BMPR2: variants seen among roughly 807,000 people sequenced by gnomAD.
BMPR2 encodes bone morphogenetic protein receptor type-2.
A neutral mutation model predicts 100.8 loss-of-function variants in BMPR2; 29 were observed. The ratio of observed to expected loss-of-function variants is 0.29; its 90% CI spans 0.21 to 0.39. The LOEUF (loss-of-function observed/expected upper bound fraction) is 0.39, where lower values mean the gene tolerates loss of function less well. Among genes scored for constraint, BMPR2 ranks in the 10% least tolerant of loss-of-function variants. The pLI is 1.00. For missense variants in BMPR2, 1,011 were observed against 1,274.5 expected (o/e 0.79, Z 3.15); for synonymous variants, 382 against 442.3 (o/e 0.86, Z 1.71).
At chr2:202,444,381 G>A (rs1437488393) in intron 1 of BMPR2, among the ~76,000 whole-genome samples, 1 of 150,198 alleles carries the variant, frequency 6.7e-6, no homozygotes, top group Non-Finnish European at 1.5e-5. Context: ...AATAATTTGG[G>A]GCACATGTGC....
chr2:202,485,535 T>C, intron 3 of BMPR2, among the ~76,000 whole-genome samples: 1 of 132,280 alleles, frequency 7.6e-6, no homozygotes, highest in African/African-American at 2.8e-5. Context: ...AAATCTCCCT[T>C]TGCCTTTATC....
At chr2:202,509,228 TTAAG>T (rs910825283) in intron 3 of BMPR2, among the ~76,000 whole-genome samples, 1 of 152,048 alleles carries the variant, frequency 6.6e-6, no homozygotes, top group Non-Finnish European at 1.5e-5. Flanking sequence ...TAAAAAAAAA[TTAAG>T]TACCATGTAT....
intron 3 of BMPR2, among the ~76,000 whole-genome samples, chr2:202,492,168 A>T (rs1250065706): frequency 6.6e-6 from 1 of 152,266 alleles, no homozygotes; most frequent in East Asian, 1.9e-4. Flanking sequence ...CAGAATAGTG[A>T]CTATTTCTGG....
rs1348225009 is a variant in BMPR2, at chr2:202,519,116, C to A, written c.852+64C>A. 1.4e-5 allele frequency: 21 copies of A among 1,519,046 alleles called. No homozygotes were observed. In the Admixed American group the frequency reaches 2.0e-4, roughly 15 times the overall value. 94.1% of individuals were successfully genotyped at this position (1,519,046 alleles called of 1,614,324 possible). On this transcript the variant is annotated intron_variant, in intron 6 of 12. Transcript: ENST00000374580. ...GTGGCTTATGCCTGTAATCCCAGCA[C>A]TTTTGGAGGCTAAGGCAGGTGGATC...
chr2:202,399,108 A>G (rs929420352), intron 1 of BMPR2, among the ~76,000 whole-genome samples: 9 of 152,296 alleles, frequency 5.9e-5, no homozygotes, highest in African/African-American at 2.2e-4. Context: ...AGCCTGGGCA[A>G]CAAGAGTGAA....
rs375676039 is a variant in BMPR2 at position 202,533,591 on chromosome 2, A to G, written c.1276+859A>G. ...TGTAATCCCAGCACTTTGGGAGGCC[A>G]AGGCAGGCGGATCATGAGGTCAGAA... is the stretch of plus-strand genomic sequence containing the variant. On this transcript the variant is annotated intron_variant, in intron 9 of 12. Coordinates refer to ENST00000374580, the MANE Select transcript of BMPR2 (RefSeq NM_001204.7). 3.2e-3 allele frequency among the ~76,000 whole-genome samples: 486 copies of G among 151,990 alleles called. 2 individuals carry two copies. Among genetic ancestry groups the G allele is most frequent in the African/African-American group, 0.011 (471 of 41,460 alleles).
At chr2:202,471,912 T>TTG (rs111523279) in intron 3 of BMPR2, among the ~76,000 whole-genome samples, 23,463 of 147,724 alleles carry the variant, frequency 0.16, 1,951 homozygotes, top group South Asian at 0.25. Context: ...CAAAAAAAGA[T>TTG]TGTGTGTGTG....
chr2:202,534,756 G>A (rs546798400), intron 9 of BMPR2, among the ~76,000 whole-genome samples: 213 of 152,108 alleles, frequency 1.4e-3, no homozygotes, highest in African/African-American at 4.8e-3. Flanking sequence ...ATCCTGGCCC[G>A]TTCTCAATGA....
rs1574512175 is a variant in BMPR2, at chr2:202,565,784, G to C, written c.*5838G>C. On this transcript the variant is annotated 3_prime_UTR_variant, in exon 13 of 13. Coordinates refer to ENST00000374580, the MANE Select transcript of BMPR2 (RefSeq NM_001204.7). ...GAAATACTTATTATTTTGCAACATAGACTGGACTATACAACTTTCATTTAA... is the reference window on the plus strand; with the variant it reads ...GAAATACTTATTATTTTGCAACATACACTGGACTATACAACTTTCATTTAA... 6.6e-6 allele frequency: 1 copy of C among 152,254 alleles called. No homozygotes were observed. The highest frequency in any genetic ancestry group is 1.9e-4 in the East Asian group (1 of 5,184). The allele number at this position is 152,254 out of a possible 1,614,324, so 9.4% of individuals were successfully genotyped here. A position where few individuals can be genotyped will look rare whatever the true frequency, so the allele number is the denominator to read the frequency against.
At chr2:202,492,345 A>G (rs1234104331) in intron 3 of BMPR2, among the ~76,000 whole-genome samples, 1 of 151,992 alleles carries the variant, frequency 6.6e-6, no homozygotes, top group African/African-American at 2.4e-5. Flanking sequence ...ATGCTTATAC[A>G]TTATACACGA....
chr2:202,496,609 C>G (rs979010330), intron 3 of BMPR2, among the ~76,000 whole-genome samples: 1 of 152,236 alleles, frequency 6.6e-6, no homozygotes, highest in Admixed American at 6.5e-5. Context: ...TGAAAATCCA[C>G]ATGCAAATAA....
At chr2:202,514,823 A>G in intron 4 of BMPR2, 65 bp from the exon 5 acceptor site, 1 of 1,288,102 alleles carries the variant, frequency 7.8e-7, no homozygotes, top group Non-Finnish European at 1.1e-6. Context: ...AATATTATAA[A>G]AAGTGTAAAA....
chr2:202,496,521 G>A (rs531352122), intron 3 of BMPR2, among the ~76,000 whole-genome samples: 2 of 151,898 alleles, frequency 1.3e-5, no homozygotes, highest in African/African-American at 4.8e-5. Flanking sequence ...TTAAATAATT[G>A]TTATGAAGTT....
chr2:202,516,208 G>A (rs1687707501), intron 5 of BMPR2, among the ~76,000 whole-genome samples: 1 of 152,190 alleles, frequency 6.6e-6, no homozygotes, highest in Non-Finnish European at 1.5e-5. Flanking sequence ...AATAATAGAT[G>A]TGATAGATTT....
intron 1 of BMPR2, among the ~76,000 whole-genome samples, chr2:202,463,765 G>A (rs1692266798): frequency 6.6e-6 from 1 of 152,198 alleles, no homozygotes; most frequent in South Asian, 2.1e-4. Context: ...TATGTGTGTG[G>A]AGAAAGATTG....
At chr2:202,514,326 C>T (rs989052746) in intron 4 of BMPR2, among the ~76,000 whole-genome samples, 4 of 151,976 alleles carry the variant, frequency 2.6e-5, no homozygotes, top group Non-Finnish European at 5.9e-5. Flanking sequence ...TTAGTAGAGA[C>T]GGGGTTTCAC....
chr2:202,491,064 G>A (rs1167214205), intron 3 of BMPR2, among the ~76,000 whole-genome samples: 1 of 152,018 alleles, frequency 6.6e-6, no homozygotes, highest in Non-Finnish European at 1.5e-5. Flanking sequence ...TGGGATTACA[G>A]GCATGCACCA....
At chr2:202,500,005 G>A (rs1055796470) in intron 3 of BMPR2, among the ~76,000 whole-genome samples, 11 of 152,168 alleles carry the variant, frequency 7.2e-5, no homozygotes, top group Non-Finnish European at 1.5e-4. Context: ...CCACTATGCC[G>A]AGGCAATCGC....
At position 202,562,896 on chromosome 2, in the gene BMPR2, TG is replaced by T. The variant is rs1412842831; in HGVS notation, c.*2951del. The T allele has an allele frequency of 1.3e-5, 2 of 151,888 alleles. No individual in the cohort carries two copies. The highest frequency in any genetic ancestry group is 3.8e-4 in the East Asian group (2 of 5,196). 9.4% of individuals were successfully genotyped at this position (151,888 alleles called of 1,614,324 possible). A position where few individuals can be genotyped will look rare whatever the true frequency, so the allele number is the denominator to read the frequency against. ...TTACAAGAAGGCACATACTGAATGC[TG>T]AAGTATACATATGCTATTTCTCTTA... On this transcript the variant is annotated 3_prime_UTR_variant, in exon 13 of 13. Coordinates refer to ENST00000374580, the MANE Select transcript of BMPR2 (RefSeq NM_001204.7).
Sources: gnomAD v4.1 joint callset for allele counts (sites outside exome capture counted in the v4.1 genomes callset) on GRCh38, gnomAD v4.1.1 for gene constraint, MANE v1.5 for transcripts, NCBI Gene and HGNC (gene_info 2026-07-23, HGNC 2026-07-21) for gene names.